L3MBTL4: variants seen among roughly 807,000 people sequenced by gnomAD.
L3MBTL4 encodes lethal(3)malignant brain tumor-like protein 4.
L3MBTL4 carries 70 observed loss-of-function variants against 84.5 expected under a neutral mutation model. The ratio of observed to expected loss-of-function variants is 0.83; its 90% CI spans 0.68 to 1.01. The LOEUF (loss-of-function observed/expected upper bound fraction) is 1.01. Ranked by LOEUF, L3MBTL4 falls within the 50% of genes least tolerant of loss-of-function variation. The pLI, the probability that L3MBTL4 is intolerant of heterozygous loss-of-function variation, is 0.00. For missense variants in L3MBTL4, 715 were observed against 754.8 expected, an observed-to-expected ratio of 0.95 and a Z score of 0.62; for synonymous variants, 274 against 259.8, an observed-to-expected ratio of 1.05 and a Z score of -0.52.
intron 1 of L3MBTL4, among the ~76,000 whole-genome samples, chr18:6,371,357 T>A (rs1202145262): frequency 6.6e-6 from 1 of 151,984 alleles, no homozygotes; most frequent in Non-Finnish European, 1.5e-5. Flanking sequence ...GAAAAGCAAG[T>A]TTTGATGAGG....
At chr18:6,024,383 C>T (rs2055409484) in intron 16 of L3MBTL4, among the ~76,000 whole-genome samples, 1 of 152,108 alleles carries the variant, frequency 6.6e-6, no homozygotes, top group Admixed American at 6.6e-5. Context: ...ACTAAGGAGC[C>T]CATCTTTTGC....
At position 6,002,602 on chromosome 18, in the gene L3MBTL4, C is replaced by T. The variant is rs144621701; in HGVS notation, c.1445-33040G>A. On this transcript the variant is annotated intron_variant, in intron 16 of 18. Coordinates refer to ENST00000317931, the MANE Select transcript of L3MBTL4 (RefSeq NM_001330559.2). ...ATTTTTGTATGCTATTGAAATTAAACGGGTAGAAATTCAAATTAAAGAGCT... is the reference window on the plus strand; with the variant it reads ...ATTTTTGTATGCTATTGAAATTAAATGGGTAGAAATTCAAATTAAAGAGCT... Among the ~76,000 whole-genome samples, 742 of 151,924 alleles carry T rather than the reference C, an allele frequency of 4.9e-3. 4 individuals carry two copies. The highest frequency in any genetic ancestry group is 0.012 in the African/African-American group (500 of 41,462).
At chr18:6,274,410 G>C (rs929471396) in intron 4 of L3MBTL4, among the ~76,000 whole-genome samples, 1 of 152,140 alleles carries the variant, frequency 6.6e-6, no homozygotes, top group Non-Finnish European at 1.5e-5. Context: ...TCAGAATTCC[G>C]ACTACAGTCC....
At chr18:6,157,304 C>T (rs2043144664) in intron 13 of L3MBTL4, among the ~76,000 whole-genome samples, 1 of 152,112 alleles carries the variant, frequency 6.6e-6, no homozygotes, top group African/African-American at 2.4e-5. Flanking sequence ...GTGCTATTAC[C>T]TGGTTAGGCT....
intron 16 of L3MBTL4, among the ~76,000 whole-genome samples, chr18:5,975,473 G>A (rs2052870305): frequency 6.6e-6 from 1 of 152,182 alleles, no homozygotes; most frequent in South Asian, 2.1e-4. Context: ...ACTCCACCCA[G>A]GACCTGTGCT....
intron 16 of L3MBTL4, among the ~76,000 whole-genome samples, chr18:6,074,054 TG>T (rs1249547823): frequency 4.0e-5 from 6 of 150,782 alleles, no homozygotes; most frequent in Non-Finnish European, 8.8e-5. Flanking sequence ...TAATGTGAAG[TG>T]TTTTTTTGTT....
At chr18:6,387,965 T>C (rs1488469995) in intron 1 of L3MBTL4, among the ~76,000 whole-genome samples, 2 of 152,158 alleles carry the variant, frequency 1.3e-5, no homozygotes, top group African/African-American at 4.8e-5. Context: ...AGACACACTA[T>C]CTAGAGTGTG....
chr18:6,057,077 C>G (rs376891822), intron 16 of L3MBTL4, among the ~76,000 whole-genome samples: 2 of 151,808 alleles, frequency 1.3e-5, no homozygotes, highest in East Asian at 3.9e-4. Flanking sequence ...CTCATCCAGG[C>G]TGGAGTGCAG....
intron 1 of L3MBTL4, among the ~76,000 whole-genome samples, chr18:6,382,004 A>G (rs1460429646): frequency 6.6e-6 from 1 of 152,140 alleles, no homozygotes; most frequent in African/African-American, 2.4e-5. Flanking sequence ...ACATAGTCCC[A>G]TATTTCTTGG....
chr18:6,066,896 T>C (rs887314188), intron 16 of L3MBTL4, among the ~76,000 whole-genome samples: 3 of 151,964 alleles, frequency 2.0e-5, no homozygotes, highest in Admixed American at 2.0e-4. Flanking sequence ...CTAGTGATCA[T>C]ATTAGATGTT....
chr18:6,085,896 A>G (rs1033524171), intron 15 of L3MBTL4, among the ~76,000 whole-genome samples: 1 of 152,262 alleles, frequency 6.6e-6, no homozygotes. Context: ...AGCATGCAGC[A>G]TCAGAGTTAG....
chr18:6,030,020 T>A, intron 16 of L3MBTL4: 1 of 985,486 alleles, frequency 1.0e-6, no homozygotes, highest in South Asian at 4.7e-5. Context: ...GGGCAGGGAC[T>A]GGTCACTTAT....
chr18:6,320,307 G>C (rs984202892), intron 1 of L3MBTL4, among the ~76,000 whole-genome samples: 42 of 152,000 alleles, frequency 2.8e-4, no homozygotes, highest in African/African-American at 9.4e-4. Flanking sequence ...CAGTCAAGAG[G>C]AAGAAATAAA....
At chr18:6,046,823 C>T (rs1274783871) in intron 16 of L3MBTL4, 1 of 743,528 alleles carries the variant, frequency 1.3e-6, no homozygotes, top group African/African-American at 1.8e-5. Context: ...AACTAACAAT[C>T]TAATATCACA....
intron 1 of L3MBTL4, among the ~76,000 whole-genome samples, chr18:6,352,018 CTTATA>C (rs2053223668): frequency 6.6e-6 from 1 of 152,110 alleles, no homozygotes; most frequent in Non-Finnish European, 1.5e-5. Context: ...GTTTATTGTG[CTTATA>C]TTATTTTCTG....
intron 12 of L3MBTL4, among the ~76,000 whole-genome samples, chr18:6,177,987 C>T (rs1045282132): frequency 2.6e-5 from 4 of 152,066 alleles, no homozygotes; most frequent in African/African-American, 9.7e-5. Flanking sequence ...ACAAACAGGA[C>T]AGGACAAATA....
At chr18:6,284,353 G>A (rs898390867) in intron 4 of L3MBTL4, among the ~76,000 whole-genome samples, 2 of 152,128 alleles carry the variant, frequency 1.3e-5, no homozygotes, top group African/African-American at 2.4e-5. Flanking sequence ...GGGCTCTCAC[G>A]GAGCCCACAT....
In L3MBTL4 at chr18:5,969,465, C is replaced by G; in HGVS notation, c.1542G>C (p.Glu514Asp). The G allele has an allele frequency of 6.2e-7, 1 of 1,614,054 alleles. No individual in the cohort carries two copies. The highest frequency in any genetic ancestry group is 1.1e-5 in the South Asian group (1 of 91,080). ...HPFRDLPLGR[E>D]QHCKLLPGVA... ...CGCCTGGAAGCAACTTGCAGTGTTG[C>G]TCCCTGCCGAGGGGAAGGTCCCGAA... Residue 514 changes from glutamate (E) to aspartate (D), a missense_variant, in exon 17 of 19, where the codon GAG becomes GAC. Physicochemically the swap from Glu to Asp is conservative, Grantham distance 45. Coordinates refer to ENST00000317931, the MANE Select transcript of L3MBTL4 (RefSeq NM_001330559.2).
chr18:6,208,415 T>C (rs2145740594), intron 12 of L3MBTL4, among the ~76,000 whole-genome samples: 1 of 152,330 alleles, frequency 6.6e-6, no homozygotes, highest in East Asian at 1.9e-4. Flanking sequence ...CACAAATATG[T>C]CCAGTTAATG....
Sources: gnomAD v4.1 joint callset for allele counts (sites outside exome capture counted in the v4.1 genomes callset) on GRCh38, gnomAD v4.1.1 for gene constraint, MANE v1.5 for transcripts, NCBI Gene and HGNC (gene_info 2026-07-23, HGNC 2026-07-21) for gene names.